The following STAG1 variants were observed in gnomAD, a reference collection of about 807,000 sequenced individuals.
The protein encoded by STAG1 is cohesin subunit SA-1.
In STAG1, 26 loss-of-function variants were observed where a neutral mutation model predicts 170.9. That is an observed-to-expected ratio of 0.15 (90% CI 0.11 to 0.21). The LOEUF is 0.21. STAG1 is among the 10% of genes least tolerant of loss of function. STAG1 has a pLI of 1.00. For missense variants in STAG1, 964 were observed against 1,509.5 expected, an observed-to-expected ratio of 0.64 and a Z score of 5.99; for synonymous variants, 514 against 497.7, an observed-to-expected ratio of 1.03 and a Z score of -0.44.
intron 10 of STAG1, among the ~76,000 whole-genome samples, chr3:136,475,137 CCTT>C (rs1559826811): frequency 3.8e-5 from 4 of 105,192 alleles, no homozygotes; most frequent in South Asian, 3.3e-4. Flanking sequence ...TTTATAGGTT[CCTT>C]TTTTTTTTTT....
chr3:136,723,265 G>A (rs1206958895), intron 1 of STAG1, among the ~76,000 whole-genome samples: 3 of 151,668 alleles, frequency 2.0e-5, no homozygotes, highest in East Asian at 1.9e-4. Flanking sequence ...CTTCCCGGCC[G>A]CCATCCCATC....
intron 6 of STAG1, among the ~76,000 whole-genome samples, chr3:136,533,497 C>G (rs1030304133): frequency 6.6e-6 from 1 of 151,938 alleles, no homozygotes; most frequent in Non-Finnish European, 1.5e-5. Flanking sequence ...GGAGTCTGCT[C>G]GTCTTATGGT....
intron 9 of STAG1, among the ~76,000 whole-genome samples, chr3:136,478,345 C>T (rs1306368797): frequency 6.6e-6 from 1 of 152,130 alleles, no homozygotes. Context: ...CAATATAACC[C>T]TCCTGGGATG....
In STAG1 at chr3:136,651,664, A is replaced by G. The variant is rs138584552; in HGVS notation, c.-83-20683T>C. On this transcript the variant is annotated intron_variant, in intron 1 of 33. Coordinates refer to ENST00000383202, the MANE Select transcript of STAG1 (RefSeq NM_005862.3). ...TTCTCTCTCTCATGGCAGAAGATAT[A>G]AACCAATAGTCTTATGCAGACCACC... Among the ~76,000 whole-genome samples the G allele has an allele frequency of 3.5e-3, 529 of 152,258 alleles. 4 individuals carry two copies. Among genetic ancestry groups the G allele is most frequent in the Non-Finnish European group, 6.4e-3 (432 of 68,018 alleles).
At chr3:136,469,167 T>C (rs890381452) in intron 12 of STAG1, among the ~76,000 whole-genome samples, 2 of 152,064 alleles carry the variant, frequency 1.3e-5, no homozygotes, top group Non-Finnish European at 2.9e-5. Context: ...AAATAAAGGG[T>C]ATTCAATTAG....
rs541206391 is a variant in STAG1 at position 136,723,121 on chromosome 3, G to A, written c.-84+29074C>T. ...CCTCTGCCCGGCCGCAACGCCGTCT[G>A]GGAAGTGAGGAGCATCTCTGCCCGG... On this transcript the variant is annotated intron_variant, in intron 1 of 33. Coordinates refer to ENST00000383202, the MANE Select transcript of STAG1 (RefSeq NM_005862.3). Among the ~76,000 whole-genome samples, 1,101 of 152,330 alleles carry A rather than the reference G, an allele frequency of 7.2e-3. 15 individuals carry two copies. Among genetic ancestry groups the A allele is most frequent in the African/African-American group, 0.024 (990 of 41,576 alleles).
chr3:136,632,828 G>C (rs1940383472), intron 1 of STAG1, among the ~76,000 whole-genome samples: 1 of 152,054 alleles, frequency 6.6e-6, no homozygotes, highest in African/African-American at 2.4e-5. Context: ...AGCTGCAAAT[G>C]GCCAGGCTAT....
intron 12 of STAG1, among the ~76,000 whole-genome samples, chr3:136,467,278 G>C (rs2089491225): frequency 6.6e-6 from 1 of 152,104 alleles, no homozygotes; most frequent in Non-Finnish European, 1.5e-5. Flanking sequence ...CACATGCAGA[G>C]ACACACATAG....
At chr3:136,415,598 G>A (rs989245996) in intron 21 of STAG1, among the ~76,000 whole-genome samples, 1 of 152,218 alleles carries the variant, frequency 6.6e-6, no homozygotes, top group African/African-American at 2.4e-5. Flanking sequence ...AACACTTTGG[G>A]AAGCCAAGGC....
chr3:136,428,022 T>G (rs1402597537), intron 16 of STAG1, among the ~76,000 whole-genome samples: 1 of 150,810 alleles, frequency 6.6e-6, no homozygotes, highest in Non-Finnish European at 1.5e-5. Context: ...AGAAAATCAC[T>G]GAAGAAAAGG....
At position 136,472,393 on chromosome 3, in the gene STAG1, T is replaced by C. The variant is rs1459079215; in HGVS notation, c.1205+20A>G. ...TATTAAAATATCAATAAAGTTAAAA[T>C]AGTAATGGATATTACTTACTGAAGT... On this transcript the variant is annotated intron_variant, in intron 12 of 33. Coordinates refer to ENST00000383202, the MANE Select transcript of STAG1 (RefSeq NM_005862.3). 2 of 1,543,932 alleles carry C rather than the reference T, an allele frequency of 1.3e-6. No individual in the cohort carries two copies. The highest frequency in any genetic ancestry group is 1.8e-6 in the Non-Finnish European group (2 of 1,121,016).
At chr3:136,711,592 G>C (rs185062171) in intron 1 of STAG1, among the ~76,000 whole-genome samples, 1 of 152,084 alleles carries the variant, frequency 6.6e-6, no homozygotes, top group Admixed American at 6.6e-5. Flanking sequence ...TTATTCTACA[G>C]GATATTTAGA....
rs1933760931 is a variant in STAG1, at chr3:136,727,608, C to G, written c.-84+24587G>C. Among the ~76,000 whole-genome samples, 3 of 152,172 alleles carry G rather than the reference C, an allele frequency of 2.0e-5. No individual in the cohort carries two copies. In the South Asian group the frequency reaches 6.2e-4, roughly 31 times the overall value. On this transcript the variant is annotated intron_variant, in intron 1 of 33. Coordinates refer to ENST00000383202, the MANE Select transcript of STAG1 (RefSeq NM_005862.3). ...TATAGTTAAGGATGGAACTCTGTCT[C>G]TGAGAGATACTTTCCCCCTTTTGGG...
chr3:136,633,930 A>G (rs1374053308), intron 1 of STAG1, among the ~76,000 whole-genome samples: 1 of 142,354 alleles, frequency 7.0e-6, no homozygotes, highest in African/African-American at 2.6e-5. Context: ...TTAAGACCAG[A>G]CTGGCCAACA....
rs111385281 is a variant in STAG1, at chr3:136,632,895, TC to T, written c.-83-1915del. On this transcript the variant is annotated intron_variant, in intron 1 of 33. Coordinates refer to ENST00000383202, the MANE Select transcript of STAG1 (RefSeq NM_005862.3). ...TCTGCAAATACCCACAGAGGGTTTT[TC>T]CCTCTTTTGGGTGCCAATTCTTTAG... Among the ~76,000 whole-genome samples, 28 of 152,290 alleles carry T rather than the reference TC, an allele frequency of 1.8e-4. 1 individual carries two copies. The highest frequency in any genetic ancestry group is 6.5e-4 in the African/African-American group (27 of 41,570).
rs573021466 is a variant in STAG1, at chr3:136,336,995, C to T, written c.*1259G>A. ...CTAAGTGGGGTTTTTAAAACAATAG[C>T]AGCAAGTCATAAAAGTCTAGGCAGA... is the stretch of plus-strand genomic sequence containing the variant. On this transcript the variant is annotated 3_prime_UTR_variant, in exon 34 of 34. Transcript: ENST00000383202. 1 of 152,402 alleles carries T rather than the reference C, an allele frequency of 6.6e-6. No individual in the cohort carries two copies. 9.4% of individuals were successfully genotyped at this position (152,402 alleles called of 1,614,324 possible).
At chr3:136,705,377 AAACAC>A in intron 1 of STAG1, among the ~76,000 whole-genome samples, 1 of 80,644 alleles carries the variant, frequency 1.2e-5, no homozygotes, top group East Asian at 3.1e-4. Context: ...CATGATCATC[AAACAC>A]ACACACACAC....
At chr3:136,378,501 C>T (rs999969214) in intron 22 of STAG1, among the ~76,000 whole-genome samples, 3 of 152,110 alleles carry the variant, frequency 2.0e-5, no homozygotes, top group African/African-American at 7.2e-5. Flanking sequence ...TGGAGACCAG[C>T]GTGGGCAACA....
chr3:136,508,635 C>A (rs1364303731), intron 7 of STAG1, among the ~76,000 whole-genome samples: 1 of 152,206 alleles, frequency 6.6e-6, no homozygotes, highest in African/African-American at 2.4e-5. Flanking sequence ...TGCAGTAATC[C>A]ACAACTGTGC....
Sources: gnomAD v4.1 joint callset for allele counts (sites outside exome capture counted in the v4.1 genomes callset) on GRCh38, gnomAD v4.1.1 for gene constraint, MANE v1.5 for transcripts, NCBI Gene and HGNC (gene_info 2026-07-23, HGNC 2026-07-21) for gene names.